Variants in RBM27 observed in about 807,000 individuals in gnomAD.
The protein encoded by RBM27 is RNA binding motif protein 27, also known as RNA-binding protein 27.
A neutral mutation model predicts 135.3 loss-of-function variants in RBM27; 22 were observed. The observed-to-expected ratio is 0.16, with a 90% CI of 0.12 to 0.23. The LOEUF (loss-of-function observed/expected upper bound fraction) is 0.23, where lower values mean the gene tolerates loss of function less well. RBM27 is among the 10% of genes least tolerant of loss of function. The pLI is 1.00. For synonymous variants in RBM27, 481 were observed against 442.4 expected (o/e 1.09, Z -1.10); for missense variants, 1,009 against 1,281.0 (o/e 0.79, Z 3.24).
chr5:146,238,374 GGAGCATGCCT>G (rs974174180), intron 8 of RBM27, among the ~76,000 whole-genome samples: 19 of 152,136 alleles, frequency 1.2e-4, no homozygotes, highest in African/African-American at 4.6e-4. Flanking sequence ...TGGGCGTTGT[GGAGCATGCCT>G]GTAGTCCCAG....
chr5:146,274,627 A>C (rs1405673453), intron 19 of RBM27, among the ~76,000 whole-genome samples: 1 of 152,212 alleles, frequency 6.6e-6, no homozygotes, highest in African/African-American at 2.4e-5. Flanking sequence ...GGGATGAAGC[A>C]TCAGTGTTTT....
chr5:146,251,586 C>G (rs540823733), intron 8 of RBM27, 125 bp from the exon 9 acceptor site: 130 of 869,374 alleles, frequency 1.5e-4, no homozygotes, highest in Middle Eastern at 9.2e-4. Context: ...GAACATCTTT[C>G]TGTACTTCTA....
chr5:146,249,179 C>T (rs548921393), intron 8 of RBM27, among the ~76,000 whole-genome samples: 2 of 151,786 alleles, frequency 1.3e-5, no homozygotes, highest in South Asian at 2.1e-4. Flanking sequence ...GACAGAGTCT[C>T]GGTATGTTAC....
At chr5:146,233,280 C>G (rs976929596) in intron 6 of RBM27, among the ~76,000 whole-genome samples, 170 bp from the exon 7 acceptor site, 19 of 152,098 alleles carry the variant, frequency 1.2e-4, no homozygotes, top group Admixed American at 1.2e-3. Flanking sequence ...GTACATCTGC[C>G]TCTACCTTGG....
At chr5:146,216,133 T>A (rs537935613) in intron 1 of RBM27, among the ~76,000 whole-genome samples, 127 of 152,298 alleles carry the variant, frequency 8.3e-4, no homozygotes, top group Admixed American at 7.8e-3. Context: ...CTCGGCTCAC[T>A]GCAAACTCCA....
chr5:146,217,224 C>A (rs980720189), intron 1 of RBM27, among the ~76,000 whole-genome samples: 2 of 152,082 alleles, frequency 1.3e-5, no homozygotes, highest in African/African-American at 4.8e-5. Flanking sequence ...GCCTTGGCCT[C>A]CCAAAGTGCT....
At chr5:146,205,353 G>T (rs1232800468) in intron 1 of RBM27, among the ~76,000 whole-genome samples, 1 of 152,118 alleles carries the variant, frequency 6.6e-6, no homozygotes, top group African/African-American at 2.4e-5. Flanking sequence ...CTGCTTGAAA[G>T]AAAGGGGTAG....
At chr5:146,283,223 G>A (rs747964089) in intron 19 of RBM27, among the ~76,000 whole-genome samples, 14 of 152,120 alleles carry the variant, frequency 9.2e-5, no homozygotes, top group Non-Finnish European at 1.9e-4. Context: ...TCTCTGTTAC[G>A]TACATTACCT....
chr5:146,204,787 T>A (rs910503190), intron 1 of RBM27, among the ~76,000 whole-genome samples: 1 of 152,194 alleles, frequency 6.6e-6, no homozygotes, highest in Admixed American at 6.5e-5. Context: ...GGGTGTAGTA[T>A]GAGGGACCGA....
intron 3 of RBM27, among the ~76,000 whole-genome samples, chr5:146,226,046 T>TTC (rs869049601): frequency 1.6e-5 from 2 of 124,694 alleles, no homozygotes; most frequent in South Asian, 5.2e-4. Context: ...TTTTTTTTTT[T>TTC]CAGTAGAGAC....
rs1756894108 is a variant in RBM27 at position 146,230,741 on chromosome 5, C to G, written c.674C>G (p.Ser225Cys). The G allele has an allele frequency of 1.2e-6, 2 of 1,614,026 alleles. No individual in the cohort carries two copies. Among genetic ancestry groups the G allele is most frequent in the Non-Finnish European group, 1.7e-6 (2 of 1,179,890 alleles). ...CCTGTGTCTGCACCACCTCCAAACT[C>G]TTCTGAGCAGTATTCCTCTGGGGCA... ...YVPVSAPPPNSSEQYSSGAQS... is the reference protein window; with the variant it reads ...YVPVSAPPPNCSEQYSSGAQS... Residue 225 changes from serine to cysteine, a missense_variant, in exon 6 of 21, where the codon TCT (serine) becomes TGT (cysteine). Coordinates refer to ENST00000265271, the MANE Select transcript of RBM27 (RefSeq NM_018989.2).
chr5:146,236,692 C>T (rs974663382), intron 7 of RBM27, among the ~76,000 whole-genome samples: 8 of 151,936 alleles, frequency 5.3e-5, no homozygotes, highest in African/African-American at 1.4e-4. Flanking sequence ...GGCGTGATTT[C>T]GGCTCACTGC....
chr5:146,260,628 C>T (rs1758355509), intron 11 of RBM27, 117 bp from the exon 12 acceptor site: 3 of 740,048 alleles, frequency 4.1e-6, no homozygotes, highest in Admixed American at 3.4e-5. Context: ...GTGGAGCCAC[C>T]ATGCCCAGCC....
At chr5:146,283,343 C>T (rs1485253614) in intron 19 of RBM27, among the ~76,000 whole-genome samples, 3 of 151,996 alleles carry the variant, frequency 2.0e-5, no homozygotes, top group African/African-American at 7.3e-5. Flanking sequence ...AGTTTGAGAC[C>T]AGCCTGGGCA....
At chr5:146,240,154 A>G in intron 8 of RBM27, among the ~76,000 whole-genome samples, 2 of 152,056 alleles carry the variant, frequency 1.3e-5, no homozygotes, top group Non-Finnish European at 2.9e-5. Flanking sequence ...CTTCTCTGGT[A>G]ATGCCAATTA....
At chr5:146,222,077 AAAT>A (rs1490571539) in intron 2 of RBM27, among the ~76,000 whole-genome samples, 5 of 152,194 alleles carry the variant, frequency 3.3e-5, no homozygotes, top group African/African-American at 7.2e-5. Context: ...AAATTGTTTT[AAAT>A]AATAATTATA....
chr5:146,272,967 T>A (rs1758935203), intron 19 of RBM27, among the ~76,000 whole-genome samples: 2 of 152,172 alleles, frequency 1.3e-5, no homozygotes, highest in African/African-American at 4.8e-5. Context: ...TAGCTCTAAG[T>A]GACTTCTTGA....
chr5:146,219,971 A>C (rs181138337), intron 2 of RBM27, among the ~76,000 whole-genome samples: 1 of 152,100 alleles, frequency 6.6e-6, no homozygotes, highest in South Asian at 2.1e-4. Context: ...GCCTCAAGCA[A>C]CTGCCCCACC....
At chr5:146,284,226 A>G (rs1216528947) in intron 19 of RBM27, among the ~76,000 whole-genome samples, 1 of 152,190 alleles carries the variant, frequency 6.6e-6, no homozygotes, top group Non-Finnish European at 1.5e-5. Context: ...TGAGATGAAT[A>G]AGCAGATGAT....
Sources: allele counts gnomAD v4.1 joint callset (sites outside exome capture counted in the v4.1 genomes callset), GRCh38; gene constraint gnomAD v4.1.1; transcripts MANE v1.5; gene names NCBI Gene and HGNC (gene_info 2026-07-23, HGNC 2026-07-21).